Variants in COL28A1 observed in about 807,000 individuals in gnomAD.
COL28A1 encodes the protein collagen type XXVIII alpha 1 chain.
A neutral mutation model predicts 150.2 loss-of-function variants in COL28A1; 161 were observed. The observed-to-expected ratio is 1.07, with a 90% CI of 0.94 to 1.22. COL28A1 has a LOEUF of 1.22. Ranked by LOEUF, COL28A1 falls within the 50% of genes most tolerant of loss-of-function variation. The pLI, the probability that COL28A1 is intolerant of heterozygous loss-of-function variation, is 0.00. For missense variants in COL28A1, 1,617 were observed against 1,388.3 expected (o/e 1.16, Z -2.62); for synonymous variants, 552 against 469.7 (o/e 1.18, Z -2.26).
chr7:7,534,677 TAAAG>T (rs770172363), intron 1 of COL28A1, among the ~76,000 whole-genome samples: 15 of 152,286 alleles, frequency 9.8e-5, no homozygotes, highest in Non-Finnish European at 2.1e-4. Flanking sequence ...TGGCTTTAAA[TAAAG>T]ATTTATCTTT....
At chr7:7,400,072 A>T (rs1236555603) in intron 27 of COL28A1, among the ~76,000 whole-genome samples, 1 of 152,238 alleles carries the variant, frequency 6.6e-6, no homozygotes, top group East Asian at 1.9e-4. Flanking sequence ...TTTTCCATTT[A>T]TCAGTTCATT....
chr7:7,478,687 C>T (rs1789131425), intron 13 of COL28A1, among the ~76,000 whole-genome samples: 1 of 152,252 alleles, frequency 6.6e-6, no homozygotes, highest in Non-Finnish European at 1.5e-5. Context: ...AAGCCCTGCC[C>T]CGCGGAGAGG....
intron 27 of COL28A1, among the ~76,000 whole-genome samples, chr7:7,400,932 C>G (rs1240906794): frequency 6.7e-6 from 1 of 150,212 alleles, no homozygotes; most frequent in African/African-American, 2.5e-5. Flanking sequence ...TTTTTTATTT[C>G]TCCCTCCCTC....
intron 25 of COL28A1, among the ~76,000 whole-genome samples, chr7:7,428,959 T>C (rs1294243664): frequency 6.6e-6 from 1 of 152,224 alleles, no homozygotes; most frequent in East Asian, 1.9e-4. Flanking sequence ...ACAAGGGTGC[T>C]AGATGTCAGC....
At chr7:7,502,255 G>A (rs1780575288) in intron 11 of COL28A1, among the ~76,000 whole-genome samples, 2 of 152,142 alleles carry the variant, frequency 1.3e-5, no homozygotes. Flanking sequence ...AGGATGAGGT[G>A]GACTCTGAGC....
intron 27 of COL28A1, among the ~76,000 whole-genome samples, chr7:7,401,227 T>C (rs1450246313): frequency 6.6e-6 from 1 of 152,122 alleles, no homozygotes; most frequent in African/African-American, 2.4e-5. Context: ...CTCTTCATCA[T>C]ACAAACTTCC....
At chr7:7,422,356 C>CCACT (rs1219492890) in intron 25 of COL28A1, among the ~76,000 whole-genome samples, 1 of 152,122 alleles carries the variant, frequency 6.6e-6, no homozygotes, top group Non-Finnish European at 1.5e-5. Context: ...CCAGGTTGGG[C>CCACT]GCAGTGGCTT....
chr7:7,490,761 G>T, intron 11 of COL28A1, 115 bp from the exon 12 acceptor site: 1 of 526,980 alleles, frequency 1.9e-6, no homozygotes, highest in Non-Finnish European at 3.4e-6. Flanking sequence ...CAACAAACCT[G>T]TACATCGTGC....
At chr7:7,541,207 T>C in the COL28A1 span, among the ~76,000 whole-genome samples, 8 of 152,178 alleles carry the variant, frequency 5.3e-5, no homozygotes, top group Non-Finnish European at 8.8e-5. Flanking sequence ...CTAAATTATA[T>C]AGTTCCTCCT....
At chr7:7,498,473 T>G (rs1267383000) in intron 11 of COL28A1, among the ~76,000 whole-genome samples, 2 of 152,104 alleles carry the variant, frequency 1.3e-5, no homozygotes, top group Non-Finnish European at 2.9e-5. Context: ...GAGGGAAACA[T>G]GGGGAGTTAT....
chr7:7,520,240 G>A (rs1781645203), intron 5 of COL28A1, 125 bp from the exon 6 acceptor site: 2 of 536,384 alleles, frequency 3.7e-6, no homozygotes, highest in African/African-American at 1.9e-5. Flanking sequence ...TACCTGCCAA[G>A]CAGAAATTCA....
chr7:7,526,666 C>T (rs1229336215), intron 3 of COL28A1, among the ~76,000 whole-genome samples: 1 of 151,810 alleles, frequency 6.6e-6, no homozygotes, highest in East Asian at 1.9e-4. Context: ...GATGGAGTCT[C>T]GCCCTGTCAC....
At chr7:7,422,913 G>A (rs370653512) in intron 25 of COL28A1, among the ~76,000 whole-genome samples, 18 of 152,280 alleles carry the variant, frequency 1.2e-4, no homozygotes, top group African/African-American at 7.2e-5. Flanking sequence ...CACTAACTGC[G>A]AGCTAAAAAC....
At position 7,370,847 on chromosome 7, in the gene COL28A1, C is replaced by T; in HGVS notation, c.2944G>A (p.Glu982Lys). The T allele has an allele frequency of 6.2e-7, 1 of 1,612,382 alleles. No individual in the cohort carries two copies. Among genetic ancestry groups the T allele is most frequent in the Non-Finnish European group, 8.5e-7 (1 of 1,179,224 alleles). Residue 982 changes from glutamate (E) to lysine (K), a missense_variant, in exon 33 of 35, where the codon GAG becomes AAG. Transcript: ENST00000399429. ...LKQKLFQKIC[E>K]DFDSYLVQIF... is the part of the protein sequence containing the mutation. ...TGAACGAGATAGGAATCAAAATCCTCACAAATTTTTTGAAACAATTTTTGC... is the reference window on the plus strand; with the variant it reads ...TGAACGAGATAGGAATCAAAATCCTTACAAATTTTTTGAAACAATTTTTGC...
chr7:7,412,776 C>T (rs1783859845), intron 27 of COL28A1, among the ~76,000 whole-genome samples: 1 of 152,098 alleles, frequency 6.6e-6, no homozygotes, highest in South Asian at 2.1e-4. Context: ...AATATCAACT[C>T]TGTGTCCTAG....
intron 6 of COL28A1, 102 bp downstream of exon 6, chr7:7,519,960 T>G: frequency 1.6e-6 from 1 of 628,502 alleles, no homozygotes. Flanking sequence ...TGTCACATTT[T>G]TGCCATATAC....
At chr7:7,527,487 G>A (rs1782092615) in intron 3 of COL28A1, among the ~76,000 whole-genome samples, 1 of 152,210 alleles carries the variant, frequency 6.6e-6, no homozygotes, top group African/African-American at 2.4e-5. Flanking sequence ...TAGTTATGAG[G>A]AACATTTAAA....
At chr7:7,487,092 C>T (rs1405106980) in intron 13 of COL28A1, among the ~76,000 whole-genome samples, 1 of 151,884 alleles carries the variant, frequency 6.6e-6, no homozygotes, top group Non-Finnish European at 1.5e-5. Flanking sequence ...AATTGTCTAC[C>T]TGGCGGAGGT....
intron 27 of COL28A1, among the ~76,000 whole-genome samples, chr7:7,387,284 C>A (rs17167203): frequency 1.3e-5 from 2 of 151,832 alleles, no homozygotes; most frequent in African/African-American, 4.8e-5. Flanking sequence ...CCTCCTCGTA[C>A]GGGTTTGCTG....
Sources: allele counts gnomAD v4.1 joint callset (sites outside exome capture counted in the v4.1 genomes callset), GRCh38; gene constraint gnomAD v4.1.1; transcripts MANE v1.5; gene names NCBI Gene and HGNC (gene_info 2026-07-23, HGNC 2026-07-21).